KCNIP4: variants seen among roughly 807,000 people sequenced by gnomAD.
KCNIP4 encodes the protein Kv channel-interacting protein 4.
Under a neutral mutation model 34.0 loss-of-function variants are expected in KCNIP4, and 12 were observed. That is an observed-to-expected ratio of 0.35 (90% CI 0.23 to 0.57). The LOEUF (loss-of-function observed/expected upper bound fraction) is 0.57, where lower values mean the gene tolerates loss of function less well. Among genes scored for constraint, KCNIP4 ranks in the 20% least tolerant of loss-of-function variants. The pLI is 0.83. For synonymous variants in KCNIP4, 124 were observed against 102.2 expected (o/e 1.21, Z -1.29); for missense variants, 238 against 311.7 (o/e 0.76, Z 1.78).
intron 1 of KCNIP4, among the ~76,000 whole-genome samples, chr4:21,684,915 C>T (rs1420125233): frequency 6.6e-6 from 1 of 151,958 alleles, no homozygotes; most frequent in Non-Finnish European, 1.5e-5. Flanking sequence ...TAAAAACAAA[C>T]TTAATTACAA....
intron 1 of KCNIP4, among the ~76,000 whole-genome samples, chr4:20,908,768 A>G (rs903787157): frequency 6.6e-6 from 1 of 152,202 alleles, no homozygotes; most frequent in Non-Finnish European, 1.5e-5. Context: ...GCTTGGGCAC[A>G]CTACTTATGC....
intron 1 of KCNIP4, among the ~76,000 whole-genome samples, chr4:20,936,766 C>T (rs12650301): frequency 6.6e-6 from 1 of 152,094 alleles, no homozygotes; most frequent in Non-Finnish European, 1.5e-5. Context: ...AATCCCTCAC[C>T]ATGTCCCACA....
intron 1 of KCNIP4, among the ~76,000 whole-genome samples, chr4:21,029,288 T>C (rs577229004): frequency 1.3e-5 from 2 of 152,252 alleles, no homozygotes; most frequent in East Asian, 1.9e-4. Flanking sequence ...TTAATTTTTT[T>C]CCCAAACATT....
chr4:21,073,264 C>T (rs1303778647), intron 1 of KCNIP4, among the ~76,000 whole-genome samples: 3 of 152,134 alleles, frequency 2.0e-5, no homozygotes, highest in Non-Finnish European at 4.4e-5. Flanking sequence ...GATATTGATT[C>T]TTCCTACCCA....
chr4:21,586,159 T>C (rs1412326846), intron 1 of KCNIP4, among the ~76,000 whole-genome samples: 2 of 152,116 alleles, frequency 1.3e-5, no homozygotes, highest in Non-Finnish European at 2.9e-5. Flanking sequence ...AATAAAAAAC[T>C]TGACCTATTC....
In KCNIP4 at chr4:20,729,220, C is replaced by CATTACTATATACTGGAG. The variant is rs1553881197; in HGVS notation, c.*845_*861dup. The stretch of plus-strand genomic sequence containing the variant: ...GCTGTTAGGATTACTTGTTATTAAG[C>CATTACTATATACTGGAG]ATTACTATATACTGGAGGATAGATA... On this transcript the variant is annotated 3_prime_UTR_variant, in exon 9 of 9. Transcript: ENST00000382152. 3 of 151,748 alleles carry CATTACTATATACTGGAG rather than the reference C, an allele frequency of 2.0e-5. No homozygotes were observed. The East Asian group carries it at 6.0e-4, about 30-fold the overall frequency. The allele number at this position is 151,748 out of a possible 1,614,324, so 9.4% of individuals were successfully genotyped here. A position where few individuals can be genotyped will look rare whatever the true frequency, so the allele number is the denominator to read the frequency against.
At chr4:20,892,696 G>A (rs1726055371) in intron 1 of KCNIP4, among the ~76,000 whole-genome samples, 1 of 152,188 alleles carries the variant, frequency 6.6e-6, no homozygotes, top group Admixed American at 6.5e-5. Context: ...ATTATTGCAT[G>A]TTATCTGAGG....
chr4:21,121,072 A>G lies in KCNIP4; in HGVS notation c.62-238363T>C, dbSNP rs1022908166. Among the ~76,000 whole-genome samples the G allele has an allele frequency of 2.3e-4, 35 of 152,212 alleles. 1 individual carries two copies. Among genetic ancestry groups the G allele is most frequent in the Admixed American group, 1.8e-3 (27 of 15,282 alleles). On this transcript the variant is annotated intron_variant, in intron 1 of 8. Transcript: ENST00000382152. ...TAGCTTCTCGAAGAATACATAAGCC[A>G]TCTTATTCTGGAATGGCATAAGTGC...
At chr4:20,828,506 G>A (rs1425237882) in intron 3 of KCNIP4, among the ~76,000 whole-genome samples, 1 of 152,150 alleles carries the variant, frequency 6.6e-6, no homozygotes, top group African/African-American at 2.4e-5. Context: ...TGTGATAAGG[G>A]AATAATATTA....
In KCNIP4 at chr4:21,372,386, A is replaced by ATAGATAGATAGT. The variant is rs1323077380; in HGVS notation, c.62-489678_62-489677insACTATCTATCTA. ...GATAGATAGATAGATAGATAGATAGATAGATAGTTAGATAGACAGACAGAC... is the reference window on the plus strand; with the variant it reads ...GATAGATAGATAGATAGATAGATAGATAGATAGATAGTTAGATAGTTAGATAGACAGACAGAC... On this transcript the variant is annotated intron_variant, in intron 1 of 8. Coordinates refer to ENST00000382152, the MANE Select transcript of KCNIP4 (RefSeq NM_025221.6). Among the ~76,000 whole-genome samples, 10 of 146,850 alleles carry ATAGATAGATAGT rather than the reference A, an allele frequency of 6.8e-5. 1 individual carries two copies. The highest frequency in any genetic ancestry group is 2.7e-4 in the African/African-American group (10 of 36,650).
At chr4:21,391,172 A>G (rs1722525358) in intron 1 of KCNIP4, among the ~76,000 whole-genome samples, 1 of 152,170 alleles carries the variant, frequency 6.6e-6, no homozygotes, top group South Asian at 2.1e-4. Flanking sequence ...ATAAAATACT[A>G]TTAAGTAATT....
At chr4:21,794,540 G>A (rs911984032) in intron 1 of KCNIP4, among the ~76,000 whole-genome samples, 18 of 152,152 alleles carry the variant, frequency 1.2e-4, no homozygotes, top group African/African-American at 4.3e-4. Context: ...CCTCTGGGAA[G>A]GCTTTCACCT....
Position 21,122,835 on chromosome 4 carries a change from G to A in KCNIP4, c.62-240126C>T, listed in dbSNP as rs536538290. Among the ~76,000 whole-genome samples, 13 of 152,262 alleles carry A rather than the reference G, an allele frequency of 8.5e-5. No homozygotes were observed. In the East Asian group the frequency reaches 1.4e-3, roughly 16 times the overall value. ...CTTGCTCCAGTTCTAGTTTCTACCT[G>A]AAGGACTCTAGAGATGGGGAAGTTT... On this transcript the variant is annotated intron_variant, in intron 1 of 8. Coordinates refer to ENST00000382152, the MANE Select transcript of KCNIP4 (RefSeq NM_025221.6).
chr4:21,822,183 A>G (rs1722394482), intron 1 of KCNIP4, among the ~76,000 whole-genome samples: 1 of 152,186 alleles, frequency 6.6e-6, no homozygotes, highest in Admixed American at 6.5e-5. Context: ...ACAGGACATA[A>G]AATAGAACAA....
chr4:20,770,131 GGT>G (rs1485407308), intron 3 of KCNIP4, among the ~76,000 whole-genome samples: 51 of 152,210 alleles, frequency 3.4e-4, no homozygotes, highest in African/African-American at 1.2e-3. Context: ...AGTTCATTTT[GGT>G]TTTCATAGCA....
chr4:21,720,067 A>G (rs1308952808), intron 1 of KCNIP4, among the ~76,000 whole-genome samples: 1 of 85,474 alleles, frequency 1.2e-5, no homozygotes, highest in African/African-American at 3.0e-5. Context: ...GAAGAAGAAG[A>G]AAAAAAAAAC....
At chr4:20,917,027 A>G (rs1322371309) in intron 1 of KCNIP4, among the ~76,000 whole-genome samples, 2 of 52,254 alleles carry the variant, frequency 3.8e-5, no homozygotes, top group East Asian at 7.9e-4. Context: ...ATATATATAT[A>G]TATATATATA....
At chr4:20,956,596 T>TG (rs2149651272) in intron 1 of KCNIP4, among the ~76,000 whole-genome samples, 1 of 152,202 alleles carries the variant, frequency 6.6e-6, no homozygotes, top group East Asian at 1.9e-4. Context: ...TGTTCAAAAA[T>TG]GTACTCACTG....
At chr4:20,953,225 C>T (rs1366485175) in intron 1 of KCNIP4, among the ~76,000 whole-genome samples, 1 of 152,218 alleles carries the variant, frequency 6.6e-6, no homozygotes, top group Non-Finnish European at 1.5e-5. Context: ...ATTATCCACT[C>T]TAACGGCTTC....
Sources: allele counts gnomAD v4.1 joint callset (sites outside exome capture counted in the v4.1 genomes callset), GRCh38; gene constraint gnomAD v4.1.1; transcripts MANE v1.5; gene names NCBI Gene and HGNC (gene_info 2026-07-23, HGNC 2026-07-21).